WDR49: variants seen among roughly 807,000 people sequenced by gnomAD.
WDR49 encodes the protein cilia- and flagella-associated protein 337.
WDR49 carries 107 observed loss-of-function variants against 119.5 expected under a neutral mutation model. That is an observed-to-expected ratio of 0.90 (90% confidence interval 0.77 to 1.05). The LOEUF is 1.05. Among genes scored for constraint, WDR49 ranks in the 50% least tolerant of loss-of-function variants. The probability of loss-of-function intolerance (pLI) is 0.00; values close to 1 mark genes in which losing one functional copy is unlikely to be tolerated. For synonymous variants in WDR49, 425 were observed against 418.8 expected, an observed-to-expected ratio of 1.01 and a Z score of -0.18; for missense variants, 1,240 against 1,220.5, an observed-to-expected ratio of 1.02 and a Z score of -0.24.
intron 7 of WDR49, among the ~76,000 whole-genome samples, chr3:167,587,431 G>A (rs1212050647): frequency 6.6e-6 from 1 of 152,130 alleles, no homozygotes; most frequent in African/African-American, 2.4e-5. Context: ...ACTACAAGGT[G>A]CCAAGCACTG....
At position 167,545,510 on chromosome 3, in the gene WDR49, T is replaced by A. The variant is rs933042333; in HGVS notation, c.1824-8510A>T. Among the ~76,000 whole-genome samples, 12 of 76,230 alleles carry A rather than the reference T, an allele frequency of 1.6e-4. No individual in the cohort carries two copies. The East Asian group carries it at 2.9e-3, about 19-fold the overall frequency. The allele number at this position is 76,230 out of a possible 152,430, so 50.0% of individuals were successfully genotyped here. Reference sequence around the variant, plus strand: ...CATATATATATTATATATTATATATTATATATATATATATGCACCCTGGAA... The same window carrying A: ...CATATATATATTATATATTATATATAATATATATATATATGCACCCTGGAA... On this transcript the variant is annotated intron_variant, in intron 10 of 18. Coordinates refer to ENST00000682715, the MANE Select transcript of WDR49 (RefSeq NM_001366157.1).
chr3:167,499,176 A>T (rs1046714452), intron 18 of WDR49, among the ~76,000 whole-genome samples: 1 of 152,196 alleles, frequency 6.6e-6, no homozygotes, highest in Non-Finnish European at 1.5e-5. Flanking sequence ...CTTGCCTATA[A>T]GTAGAATTTC....
At chr3:167,535,298 G>A (rs1449078384) in intron 11 of WDR49, among the ~76,000 whole-genome samples, 2 of 152,040 alleles carry the variant, frequency 1.3e-5, no homozygotes, top group Non-Finnish European at 2.9e-5. Flanking sequence ...ACAAAGCAAA[G>A]AGACAACCTA....
intron 2 of WDR49, among the ~76,000 whole-genome samples, chr3:167,628,690 G>A (rs950804044): frequency 7.2e-5 from 11 of 152,148 alleles, no homozygotes; most frequent in Non-Finnish European, 1.5e-4. Context: ...AGAAACTGCT[G>A]ATGTGGAAGC....
chr3:167,498,846 G>C (rs1256079401), intron 18 of WDR49, among the ~76,000 whole-genome samples: 2 of 152,098 alleles, frequency 1.3e-5, no homozygotes, highest in Admixed American at 6.5e-5. Context: ...TTCAGAGAGA[G>C]CCCTCCCTGA....
intron 16 of WDR49, among the ~76,000 whole-genome samples, chr3:167,516,489 A>C (rs1038368403): frequency 2.0e-4 from 30 of 152,146 alleles, no homozygotes; most frequent in Admixed American, 1.6e-3. Flanking sequence ...TTTCTTAATC[A>C]AGTCTATCAT....
chr3:167,509,902 G>A (rs1307941987), intron 16 of WDR49, among the ~76,000 whole-genome samples: 1 of 151,964 alleles, frequency 6.6e-6, no homozygotes, highest in Non-Finnish European at 1.5e-5. Flanking sequence ...ATATTTTTGA[G>A]CGATAAAACA....
intron 2 of WDR49, among the ~76,000 whole-genome samples, chr3:167,639,541 T>C (rs1717782498): frequency 6.6e-6 from 1 of 151,746 alleles, no homozygotes; most frequent in South Asian, 2.1e-4. Flanking sequence ...AAATATGAGA[T>C]TGGAATGTAT....
chr3:167,522,018 A>T (rs7650826), intron 16 of WDR49, among the ~76,000 whole-genome samples: 6,912 of 103,474 alleles, frequency 0.067, 209 homozygotes, highest in African/African-American at 0.091. Context: ...AGATAGATAG[A>T]TTGTTTTTGA....
At chr3:167,524,472 T>C (rs762892291) in intron 15 of WDR49, among the ~76,000 whole-genome samples, 6 of 152,194 alleles carry the variant, frequency 3.9e-5, no homozygotes, top group Non-Finnish European at 8.8e-5. Context: ...AGTCATGATG[T>C]CTTTGCCCAT....
chr3:167,607,540 G>A (rs1054323113), intron 5 of WDR49, among the ~76,000 whole-genome samples: 5 of 152,126 alleles, frequency 3.3e-5, no homozygotes, highest in African/African-American at 1.2e-4. Flanking sequence ...TTCCTAATGA[G>A]AAGATAGCAA....
intron 5 of WDR49, among the ~76,000 whole-genome samples, chr3:167,605,012 T>TTGTGTGTGTG (rs370361855): frequency 1.4e-5 from 2 of 143,388 alleles, no homozygotes; most frequent in African/African-American, 5.1e-5. Context: ...TTAATTTGCT[T>TTGTGTGTGTG]TGTGTGTGTG....
At chr3:167,601,967 C>A (rs1715791454) in intron 7 of WDR49, among the ~76,000 whole-genome samples, 160 bp downstream of exon 7, 1 of 152,174 alleles carries the variant, frequency 6.6e-6, no homozygotes, top group African/African-American at 2.4e-5. Context: ...TAACCATCAA[C>A]CAACACCTTT....
chr3:167,599,315 C>T (rs1267861894), intron 7 of WDR49, among the ~76,000 whole-genome samples: 5 of 152,220 alleles, frequency 3.3e-5, no homozygotes, highest in African/African-American at 4.8e-5. Context: ...GTTCTTCCCA[C>T]TCTTCCCTCC....
chr3:167,482,749 C>T (rs1333972328), intron 18 of WDR49, among the ~76,000 whole-genome samples: 3 of 150,026 alleles, frequency 2.0e-5, no homozygotes, highest in African/African-American at 2.5e-5. Context: ...CTGGTGATCA[C>T]TGAATGTATT....
At chr3:167,650,127 A>G (rs1718303257) in intron 2 of WDR49, among the ~76,000 whole-genome samples, 1 of 152,184 alleles carries the variant, frequency 6.6e-6, no homozygotes, top group African/African-American at 2.4e-5. Context: ...GAGAAGCTCA[A>G]TAAATATCAA....
intron 15 of WDR49, among the ~76,000 whole-genome samples, chr3:167,525,020 G>A (rs572642216): frequency 1.3e-5 from 2 of 152,170 alleles, no homozygotes; most frequent in South Asian, 2.1e-4. Context: ...TCATGATATC[G>A]ATTCTTCCTG....
chr3:167,531,413 C>T (rs780805073), intron 12 of WDR49, 134 bp from the exon 13 acceptor site: 141 of 987,866 alleles, frequency 1.4e-4, no homozygotes, highest in Non-Finnish European at 1.9e-4. Flanking sequence ...TTCCAGTCAA[C>T]ATCTATCAAG....
chr3:167,524,234 G>A (rs530245563), intron 15 of WDR49, among the ~76,000 whole-genome samples: 9 of 152,076 alleles, frequency 5.9e-5, no homozygotes, highest in Admixed American at 2.6e-4. Context: ...CTCACGTTTC[G>A]ATGAGGTTGT....
Sources: allele counts gnomAD v4.1 joint callset (sites outside exome capture counted in the v4.1 genomes callset), GRCh38; gene constraint gnomAD v4.1.1; transcripts MANE v1.5; gene names NCBI Gene and HGNC (gene_info 2026-07-23, HGNC 2026-07-21).